The following TFAP2B variants were observed in gnomAD, a reference collection of about 807,000 sequenced individuals.
TFAP2B encodes the protein transcription factor AP-2-beta.
TFAP2B carries 9 observed loss-of-function variants against 44.3 expected under a neutral mutation model. The observed-to-expected ratio is 0.20, with a 90% CI of 0.12 to 0.35. TFAP2B has a LOEUF of 0.35. Ranked by LOEUF, TFAP2B falls within the 10% of genes least tolerant of loss-of-function variation. The probability of loss-of-function intolerance (pLI) is 1.00; values close to 1 mark genes in which losing one functional copy is unlikely to be tolerated. For missense variants in TFAP2B, 509 were observed against 600.0 expected, an observed-to-expected ratio of 0.85 and a Z score of 1.59; for synonymous variants, 270 against 263.8, an observed-to-expected ratio of 1.02 and a Z score of -0.23.
chr6:50,820,546 T>A (rs1011986915), intron 1 of TFAP2B, among the ~76,000 whole-genome samples: 2 of 152,202 alleles, frequency 1.3e-5, no homozygotes, highest in Non-Finnish European at 2.9e-5. Flanking sequence ...ATGCTTGGGG[T>A]TTTCCTTTTC....
At position 50,845,411 on chromosome 6, in the gene TFAP2B, G is replaced by A. The variant is rs567057511; in HGVS notation, c.*2019G>A. 1.3e-5 allele frequency: 2 copies of A among 152,312 alleles called. No homozygotes were observed. Among genetic ancestry groups the A allele is most frequent in the South Asian group, 4.2e-4 (2 of 4,816 alleles). 9.4% of individuals were successfully genotyped at this position (152,312 alleles called of 1,614,324 possible). On this transcript the variant is annotated 3_prime_UTR_variant, in exon 7 of 7. Coordinates refer to ENST00000393655, the MANE Select transcript of TFAP2B (RefSeq NM_003221.4). ...TAAAAGAGGAAAGGGAAGTTAGGAA[G>A]CTCGTCTCAGGTCACCAAAAGGGCC... is the stretch of plus-strand genomic sequence containing the variant.
chr6:50,843,022 C>A (rs754681769), intron 6 of TFAP2B, 70 bp from the exon 7 acceptor site: 378 of 1,596,768 alleles, frequency 2.4e-4, no homozygotes, highest in Non-Finnish European at 3.1e-4. Context: ...CTTGTGTGAG[C>A]GTCTCCTTTC....
In TFAP2B at chr6:50,841,863, G is replaced by T. The variant is rs1289203842; in HGVS notation, c.1083-1229G>T. On this transcript the variant is annotated intron_variant, in intron 6 of 6. Coordinates refer to ENST00000393655, the MANE Select transcript of TFAP2B (RefSeq NM_003221.4). Reference sequence around the variant, plus strand: ...GGGAGAATCGAGGGTGCCTGTTAGTGTTCTCTATCCACCCATCTTAAAACC... The same window carrying T: ...GGGAGAATCGAGGGTGCCTGTTAGTTTTCTCTATCCACCCATCTTAAAACC... 2.0e-5 allele frequency among the ~76,000 whole-genome samples: 3 copies of T among 152,182 alleles called. No homozygotes were observed. In the East Asian group the frequency reaches 5.8e-4, roughly 29 times the overall value.
At chr6:50,832,799 A>ACT (rs1417204120) in intron 3 of TFAP2B, among the ~76,000 whole-genome samples, 2 of 152,200 alleles carry the variant, frequency 1.3e-5, no homozygotes, top group African/African-American at 4.8e-5. Flanking sequence ...GCCTATTAAC[A>ACT]CTTTAGCTCT....
intron 3 of TFAP2B, among the ~76,000 whole-genome samples, chr6:50,829,153 T>G (rs1346276653): frequency 6.6e-6 from 1 of 152,208 alleles, no homozygotes; most frequent in Non-Finnish European, 1.5e-5. Flanking sequence ...TTGTTTTTAT[T>G]TATTTATTTT....
chr6:50,829,596 C>T (rs2744483), intron 3 of TFAP2B, among the ~76,000 whole-genome samples: 151,681 of 152,360 alleles, frequency 1, 75,501 homozygotes, highest in East Asian at 1. Context: ...AACCCTTTCT[C>T]ATGGATGTCG....
chr6:50,818,974 T>G lies in TFAP2B; in HGVS notation c.81+2T>G. ...GTCAAGTACGAAGATATCTATGAGG[T>G]GAGTCGACACCCCCAGATGCACCTT... On this transcript the variant is annotated splice_donor_variant, in intron 1 of 6. Coordinates refer to ENST00000393655, the MANE Select transcript of TFAP2B (RefSeq NM_003221.4). LOFTEE classifies it high-confidence loss of function. 6.2e-7 allele frequency: 1 copy of G among 1,613,980 alleles called. No individual in the cohort carries two copies. The highest frequency in any genetic ancestry group is 8.5e-7 in the Non-Finnish European group (1 of 1,179,898).
intron 2 of TFAP2B, among the ~76,000 whole-genome samples, chr6:50,824,100 TGAA>T (rs1004547104): frequency 1.3e-5 from 2 of 152,218 alleles, no homozygotes; most frequent in Non-Finnish European, 2.9e-5. Context: ...AATTAAATCT[TGAA>T]GAAGAAAAAT....
At chr6:50,834,922 C>T (rs1762589086) in intron 3 of TFAP2B, among the ~76,000 whole-genome samples, 1 of 152,122 alleles carries the variant, frequency 6.6e-6, no homozygotes, top group Non-Finnish European at 1.5e-5. Context: ...TGTTTAGGGG[C>T]CTGTAAAACC....
At chr6:50,819,880 C>G (rs372710312) in intron 1 of TFAP2B, among the ~76,000 whole-genome samples, 26,766 of 149,846 alleles carry the variant, frequency 0.18, 2,671 homozygotes, top group Admixed American at 0.28. Flanking sequence ...GGAGAGGCGG[C>G]CGAGGCGGGC....
chr6:50,833,117 C>T (rs576139817), intron 3 of TFAP2B, among the ~76,000 whole-genome samples: 6 of 152,308 alleles, frequency 3.9e-5, no homozygotes, highest in South Asian at 2.1e-4. Flanking sequence ...CTTACTATTT[C>T]CTGCTGTCGC....
At chr6:50,829,349 ATTAACTAAT>A (rs1770611910) in intron 3 of TFAP2B, among the ~76,000 whole-genome samples, 1 of 152,236 alleles carries the variant, frequency 6.6e-6, no homozygotes, top group Non-Finnish European at 1.5e-5. Context: ...AAGCAAAATA[ATTAACTAAT>A]TAAACTAATT....
rs1762838012 is a variant in TFAP2B, at chr6:50,845,920, G to C, written c.*2528G>C. The C allele has an allele frequency of 6.5e-6, 1 of 152,684 alleles. No homozygotes were observed. The allele number at this position is 152,684 out of a possible 1,614,324, so 9.5% of individuals were successfully genotyped here. On this transcript the variant is annotated 3_prime_UTR_variant, in exon 7 of 7. Coordinates refer to ENST00000393655, the MANE Select transcript of TFAP2B (RefSeq NM_003221.4). ...AAGCCCCATTCTCCAGTAGGTAATG[G>C]GGCGGCGCCCGGTGGGCTGCAGGTG...
chr6:50,824,424 G>A (rs1275137258), intron 2 of TFAP2B, among the ~76,000 whole-genome samples: 1 of 152,204 alleles, frequency 6.6e-6, no homozygotes, highest in Admixed American at 6.5e-5. Flanking sequence ...GTCTTGCTTT[G>A]AATGTCTCAT....
chr6:50,842,706 G>A (rs775834714), intron 6 of TFAP2B, among the ~76,000 whole-genome samples: 5 of 152,328 alleles, frequency 3.3e-5, no homozygotes, highest in African/African-American at 9.6e-5. Flanking sequence ...AGGTTGGAGA[G>A]GTGGGAGGGG....
At chr6:50,822,964 T>A (rs1369046501) in intron 1 of TFAP2B, among the ~76,000 whole-genome samples, 3 of 152,158 alleles carry the variant, frequency 2.0e-5, no homozygotes, top group Admixed American at 1.3e-4. Context: ...TTGTTGTGAT[T>A]TGTACCTCTG....
At chr6:50,829,970 T>A (rs1037750967) in intron 3 of TFAP2B, among the ~76,000 whole-genome samples, 48 of 152,032 alleles carry the variant, frequency 3.2e-4, no homozygotes, top group African/African-American at 1.0e-3. Context: ...CTCTCTCTCA[T>A]CTTCAAATAA....
intron 2 of TFAP2B, 140 bp from the exon 3 acceptor site, chr6:50,828,479 G>C (rs942920395): frequency 7.1e-6 from 5 of 700,804 alleles, no homozygotes; most frequent in African/African-American, 1.8e-5. Context: ...TCTATTTGGA[G>C]GTAATAATAA....
chr6:50,820,262 C>T, intron 1 of TFAP2B, among the ~76,000 whole-genome samples: 1 of 152,198 alleles, frequency 6.6e-6, no homozygotes, highest in East Asian at 1.9e-4. Context: ...GGGACAGCTC[C>T]TGAAAGCCCG....
Sources: allele counts gnomAD v4.1 joint callset (sites outside exome capture counted in the v4.1 genomes callset), GRCh38; gene constraint gnomAD v4.1.1; transcripts MANE v1.5; gene names NCBI Gene and HGNC (gene_info 2026-07-23, HGNC 2026-07-21).